Variants in RARB observed in about 807,000 individuals in gnomAD.
RARB encodes retinoic acid receptor beta, also known as HBV-activated protein.
In RARB, 17 loss-of-function variants were observed where a neutral mutation model predicts 51.9. That is an observed-to-expected ratio of 0.33 (90% CI 0.22 to 0.49). The LOEUF is 0.49. Ranked by LOEUF, RARB falls within the 20% of genes least tolerant of loss-of-function variation. The pLI is 0.99. For synonymous variants in RARB, 215 were observed against 195.4 expected, an observed-to-expected ratio of 1.10 and a Z score of -0.84; for missense variants, 369 against 550.8, an observed-to-expected ratio of 0.67 and a Z score of 3.30.
At chr3:25,263,404 G>A (rs1703053138) in intron 5 of RARB, among the ~76,000 whole-genome samples, 1 of 152,150 alleles carries the variant, frequency 6.6e-6, no homozygotes, top group Non-Finnish European at 1.5e-5. Context: ...GTAACTCTGA[G>A]TTAACTAGTC....
chr3:24,921,035 C>T (rs1317541376), intron 2 of RARB, among the ~76,000 whole-genome samples: 4 of 152,124 alleles, frequency 2.6e-5, no homozygotes, highest in Non-Finnish European at 5.9e-5. Flanking sequence ...CAGAGGCCTA[C>T]AAAACCCAAG....
chr3:25,208,064 C>T (rs1380737929), intron 5 of RARB, among the ~76,000 whole-genome samples: 1 of 152,006 alleles, frequency 6.6e-6, no homozygotes, highest in Non-Finnish European at 1.5e-5. Context: ...CGTTAAGCAA[C>T]CGGATCTCAT....
At chr3:25,461,109 A>C in intron 1 of RARB, 84 bp from the exon 2 acceptor site, 2 of 1,442,250 alleles carry the variant, frequency 1.4e-6, no homozygotes, top group Non-Finnish European at 1.9e-6. Context: ...TTTGGGGCAG[A>C]AGCATATGAA....
intron 2 of RARB, among the ~76,000 whole-genome samples, chr3:24,997,402 CTTTATCT>C (rs1328579738): frequency 6.6e-6 from 1 of 150,844 alleles, no homozygotes; most frequent in Non-Finnish European, 1.5e-5. Context: ...TTAATCTAGT[CTTTATCT>C]TTTAAGTTGA....
rs894696006 is a variant in RARB at position 24,978,046 on chromosome 3, A to G, written c.-379-82079A>G. ...TTTGTTGGTTCTGTTTATGTGACGGATTACATTTATTGATTTGCGTATGTT... is the reference window on the plus strand; with the variant it reads ...TTTGTTGGTTCTGTTTATGTGACGGGTTACATTTATTGATTTGCGTATGTT... On this transcript the variant is annotated intron_variant, in intron 2 of 11. Transcript: ENST00000383772. 7.2e-5 allele frequency among the ~76,000 whole-genome samples: 11 copies of G among 152,226 alleles called. No homozygotes were observed. The East Asian group carries it at 2.1e-3, about 29-fold the overall frequency.
At chr3:24,863,132 A>T (rs1023114138) in intron 2 of RARB, among the ~76,000 whole-genome samples, 4 of 152,202 alleles carry the variant, frequency 2.6e-5, no homozygotes, top group Non-Finnish European at 4.4e-5. Context: ...TGGCAGCCAT[A>T]CCCTGTCCAA....
At chr3:24,970,793 C>T (rs1343842491) in intron 2 of RARB, among the ~76,000 whole-genome samples, 1 of 151,928 alleles carries the variant, frequency 6.6e-6, no homozygotes, top group African/African-American at 2.4e-5. Context: ...TTTCTGACTG[C>T]TTGATTTAAA....
intron 3 of RARB, among the ~76,000 whole-genome samples, chr3:25,562,116 C>G (rs1433406401): frequency 6.6e-6 from 1 of 152,132 alleles, no homozygotes. Context: ...AGTTAAAAGA[C>G]CCACTCACAG....
At chr3:25,034,033 C>G (rs1697932079) in intron 2 of RARB, among the ~76,000 whole-genome samples, 1 of 152,150 alleles carries the variant, frequency 6.6e-6, no homozygotes, top group South Asian at 2.1e-4. Flanking sequence ...TCACTCTTGG[C>G]TGAGCCTGTG....
At chr3:25,200,666 C>T (rs1701366642) in intron 5 of RARB, among the ~76,000 whole-genome samples, 1 of 152,074 alleles carries the variant, frequency 6.6e-6, no homozygotes, top group Admixed American at 6.5e-5. Flanking sequence ...ATATGGCTAG[C>T]CAGTTTTCCC....
chr3:25,041,843 T>TAATTCTGAATTAATAA, intron 2 of RARB, among the ~76,000 whole-genome samples: 1 of 151,910 alleles, frequency 6.6e-6, no homozygotes, highest in East Asian at 1.9e-4. Flanking sequence ...TGAATTTTAT[T>TAATTCTGAATTAATAA]AATTCAGAAT....
chr3:24,841,119 C>CA (rs1277771725), intron 1 of RARB, among the ~76,000 whole-genome samples: 2 of 152,162 alleles, frequency 1.3e-5, no homozygotes, highest in Non-Finnish European at 2.9e-5. Context: ...CTGTAAAACA[C>CA]AAAAACCATC....
intron 2 of RARB, among the ~76,000 whole-genome samples, chr3:25,494,513 G>C (rs934010774): frequency 6.6e-6 from 1 of 152,156 alleles, no homozygotes; most frequent in East Asian, 1.9e-4. Flanking sequence ...ATGTGGATCA[G>C]GCACTACAGT....
chr3:25,565,790 C>T (rs1481280273), intron 3 of RARB, among the ~76,000 whole-genome samples: 1 of 152,136 alleles, frequency 6.6e-6, no homozygotes, highest in Non-Finnish European at 1.5e-5. Context: ...AACTAACCCA[C>T]ATAGGCCTTT....
intron 2 of RARB, among the ~76,000 whole-genome samples, chr3:25,053,540 T>C (rs540961406): frequency 1.1e-3 from 160 of 152,302 alleles, no homozygotes; most frequent in Middle Eastern, 6.8e-3. Flanking sequence ...CTTTGAACTT[T>C]GGTTTAAAAA....
intron 2 of RARB, among the ~76,000 whole-genome samples, chr3:24,984,986 A>G (rs536253794): frequency 5.9e-5 from 9 of 152,328 alleles, no homozygotes; most frequent in African/African-American, 1.9e-4. Flanking sequence ...TTCGACTGGA[A>G]AGTGGGAATT....
intron 1 of RARB, among the ~76,000 whole-genome samples, chr3:25,429,902 G>A (rs1370249020): frequency 1.3e-5 from 2 of 152,212 alleles, no homozygotes; most frequent in Non-Finnish European, 1.5e-5. Flanking sequence ...ATTCATTGGA[G>A]CATTAGCCTG....
At chr3:24,931,728 C>T (rs1398714610) in intron 2 of RARB, among the ~76,000 whole-genome samples, 3 of 152,102 alleles carry the variant, frequency 2.0e-5, no homozygotes. Context: ...ATGGCAATTT[C>T]ATAGTCTATG....
chr3:25,355,866 G>C (rs1488097334), intron 5 of RARB, among the ~76,000 whole-genome samples: 1 of 151,950 alleles, frequency 6.6e-6, no homozygotes, highest in East Asian at 1.9e-4. Flanking sequence ...TATTTGCTTT[G>C]TGAGTAAGTC....
Sources: gnomAD v4.1 joint callset for allele counts (sites outside exome capture counted in the v4.1 genomes callset) on GRCh38, gnomAD v4.1.1 for gene constraint, MANE v1.5 for transcripts, NCBI Gene and HGNC (gene_info 2026-07-23, HGNC 2026-07-21) for gene names.